The following ITGA3 variants were observed in gnomAD, a reference collection of about 807,000 sequenced individuals.
ITGA3 encodes the protein integrin alpha-3.
A neutral mutation model predicts 131.1 loss-of-function variants in ITGA3; 70 were observed. That is an observed-to-expected ratio of 0.53 (90% CI 0.44 to 0.65). The LOEUF is 0.65. Among genes scored for constraint, ITGA3 ranks in the 30% least tolerant of loss-of-function variants. The probability of loss-of-function intolerance (pLI) is 0.00; values close to 1 mark genes in which losing one functional copy is unlikely to be tolerated. For missense variants in ITGA3, 1,098 were observed against 1,388.6 expected (o/e 0.79, Z 3.33); for synonymous variants, 537 against 571.6 (o/e 0.94, Z 0.86).
At chr17:50,085,903 CAT>C (rs1294460639) in intron 23 of ITGA3, among the ~76,000 whole-genome samples, 9 of 109,538 alleles carry the variant, frequency 8.2e-5, no homozygotes, top group African/African-American at 3.2e-4. Flanking sequence ...AGATTATACA[CAT>C]ATAGATTTAT....
At chr17:50,088,540 T>C (rs1291438337) in intron 25 of ITGA3, among the ~76,000 whole-genome samples, 174 bp downstream of exon 25, 1 of 152,192 alleles carries the variant, frequency 6.6e-6, no homozygotes, top group African/African-American at 2.4e-5. Context: ...TGTCTGGCTT[T>C]CATCAGCCTC....
rs754546990 is a variant in ITGA3 at position 50,076,478 on chromosome 17, G to A, written c.1824+3G>A. 2 of 1,608,392 alleles carry A rather than the reference G, an allele frequency of 1.2e-6. No homozygotes were observed. Among genetic ancestry groups the A allele is most frequent in the South Asian group, 1.1e-5 (1 of 91,074 alleles). On this transcript the variant is annotated splice_donor_region_variant and intron_variant, in intron 13 of 25. Coordinates refer to ENST00000320031, the MANE Select transcript of ITGA3 (RefSeq NM_002204.4). ...AGGCTCTGGAGAACCACACTGAGGT[G>A]AGTGGGGCTGGCGCCTGGACTGGAA...
At chr17:50,072,584 GC>G (rs1908682456) in intron 7 of ITGA3, among the ~76,000 whole-genome samples, 1 of 152,108 alleles carries the variant, frequency 6.6e-6, no homozygotes, top group African/African-American at 2.4e-5. Context: ...TGAAAGCCAG[GC>G]AGAGTATCTT....
chr17:50,071,766 G>A, intron 6 of ITGA3: 1 of 617,464 alleles, frequency 1.6e-6, no homozygotes, highest in Non-Finnish European at 2.8e-6. Context: ...GGTTTGATTT[G>A]TGCCTGCATG....
At chr17:50,073,259 T>C (rs928099570) in intron 7 of ITGA3, among the ~76,000 whole-genome samples, 2 of 152,218 alleles carry the variant, frequency 1.3e-5, no homozygotes, top group Non-Finnish European at 2.9e-5. Context: ...CTTGACACTT[T>C]CAGTGAAGTT....
Position 50,087,653 on chromosome 17 carries a change from C to T in ITGA3, c.2920-91C>T, listed in dbSNP as rs1181729435. The stretch of plus-strand genomic sequence containing the variant: ...TGCCCCCTACTGGCAGCAGGACAAA[C>T]AGCAGGTGCCTGGGCCCAGCTAGGA... On this transcript the variant is annotated intron_variant, in intron 23 of 25. Coordinates refer to ENST00000320031, the MANE Select transcript of ITGA3 (RefSeq NM_002204.4). 5.6e-6 allele frequency: 8 copies of T among 1,433,520 alleles called. No homozygotes were observed. The African/African-American group carries it at 9.7e-5, about 17-fold the overall frequency. 88.8% of individuals were successfully genotyped at this position (1,433,520 alleles called of 1,614,324 possible). A position where few individuals can be genotyped will look rare whatever the true frequency, so the allele number is the denominator to read the frequency against.
At chr17:50,082,171 T>G (rs1269409348) in intron 23 of ITGA3, among the ~76,000 whole-genome samples, 1 of 151,564 alleles carries the variant, frequency 6.6e-6, no homozygotes, top group East Asian at 2.0e-4. Context: ...TCTTTATTCA[T>G]GTATTTATGT....
rs955434858 is a variant in ITGA3 at position 50,056,782 on chromosome 17, G to A, written c.206+137G>A. On this transcript the variant is annotated intron_variant, in intron 1 of 25. Transcript: ENST00000320031. This position sits in a 1 kb window ranked among gnomAD's most constrained non-coding sequence, Gnocchi z 5.6. ...AGGGGCGGCCCTCTGGCTGCTGGGG[G>A]TTGGCGGGAAGTGGAGGATTGGGTG... 1 of 874,222 alleles carries A rather than the reference G, an allele frequency of 1.1e-6. No homozygotes were observed. The highest frequency in any genetic ancestry group is 1.7e-6 in the Non-Finnish European group (1 of 581,332). The allele number at this position is 874,222 out of a possible 1,614,324, so 54.2% of individuals were successfully genotyped here. A position where few individuals can be genotyped will look rare whatever the true frequency, so the allele number is the denominator to read the frequency against.
intron 18 of ITGA3, 64 bp downstream of exon 18, chr17:50,078,348 C>A: frequency 1.4e-6 from 2 of 1,384,998 alleles, no homozygotes; most frequent in South Asian, 1.2e-5. Flanking sequence ...TTCCCTATCC[C>A]CAAGCTATCT....
chr17:50,070,796 C>G, intron 4 of ITGA3, 48 bp from the exon 5 acceptor site: 1 of 1,286,016 alleles, frequency 7.8e-7, no homozygotes, highest in Non-Finnish European at 1.1e-6. Context: ...AACCAGAAAC[C>G]GGTGGTGACT....
intron 25 of ITGA3, 133 bp from the exon 26 acceptor site, chr17:50,088,977 G>C: frequency 1.4e-6 from 1 of 707,924 alleles, no homozygotes; most frequent in Non-Finnish European, 2.5e-6. Flanking sequence ...TCAGTGCAGA[G>C]AGATGGGATG....
At chr17:50,084,865 T>C (rs1413319401) in intron 23 of ITGA3, among the ~76,000 whole-genome samples, 3 of 151,880 alleles carry the variant, frequency 2.0e-5, no homozygotes, top group Non-Finnish European at 2.9e-5. Flanking sequence ...CAGTGATTCA[T>C]GTTTGTGTTA....
At position 50,074,263 on chromosome 17, in the gene ITGA3, C is replaced by G; in HGVS notation, c.1365C>G (p.Asp455Glu). Reference protein sequence around the residue: ...YPDLLVGSLSDHIVLLRARPV... With the variant: ...YPDLLVGSLSEHIVLLRARPV... ...ACCTTCTAGTGGGAAGCCTGTCAGA[C>G]CACATTGTGCTGCTGCGGTGAGCCA... The change falls in exon 9 of 26, where the codon GAC becomes GAG. Residue 455 changes from aspartate (D) to glutamate (E), a missense_variant. Physicochemically the swap from Asp to Glu is conservative, Grantham distance 45. Around this residue, in one of 3 missense-constraint regions of ITGA3, gnomAD observed 699 missense variants for 829.2 expected, o/e 0.84. Coordinates refer to ENST00000320031, the MANE Select transcript of ITGA3 (RefSeq NM_002204.4). 2.5e-6 allele frequency: 4 copies of G among 1,614,152 alleles called. No individual in the cohort carries two copies. Among genetic ancestry groups the G allele is most frequent in the Non-Finnish European group, 3.4e-6 (4 of 1,179,962 alleles).
At position 50,077,417 on chromosome 17, in the gene ITGA3, G is replaced by A. The variant is rs757434598; in HGVS notation, c.2109G>A (p.Glu703=). 6 of 1,614,050 alleles carry A rather than the reference G, an allele frequency of 3.7e-6. No homozygotes were observed. Among genetic ancestry groups the A allele is most frequent in the South Asian group, 2.2e-5 (2 of 91,084 alleles). The part of the protein sequence containing the change: ...ACQANETIFC[E]LGNPFKRNQR... The stretch of plus-strand genomic sequence containing the variant: ...AAGCTAATGAGACCATCTTTTGCGA[G>A]CTGGGGAACCCCTTCAAACGGAACC... The change falls in exon 16 of 26, where the codon GAG becomes GAA. Residue 703 remains glutamate (E), a synonymous_variant. Coordinates refer to ENST00000320031, the MANE Select transcript of ITGA3 (RefSeq NM_002204.4).
chr17:50,088,013 G>T, intron 24 of ITGA3, 144 bp downstream of exon 24: 3 of 1,291,658 alleles, frequency 2.3e-6, no homozygotes, highest in South Asian at 3.0e-5. Flanking sequence ...TCTACCACCA[G>T]CTTACAGTCT....
At chr17:50,067,659 G>A (rs1394764818) in intron 3 of ITGA3, among the ~76,000 whole-genome samples, 1 of 152,206 alleles carries the variant, frequency 6.6e-6, no homozygotes, top group African/African-American at 2.4e-5. Flanking sequence ...TACCGTCATT[G>A]TAATTATTAT....
chr17:50,076,668 C>T lies in ITGA3; in HGVS notation c.1909C>T (p.Gln637Ter). ...MRAAFVSEQQ[Q>*]KLSRLQYSRD... Reference sequence around the variant, plus strand: ...GGCAGCCTTCGTGTCAGAGCAGCAGCAGAAGCTGAGCAGGTGGCTGTGGGC... The same window carrying T: ...GGCAGCCTTCGTGTCAGAGCAGCAGTAGAAGCTGAGCAGGTGGCTGTGGGC... The change falls in exon 14 of 26, where the codon CAG (glutamine) becomes TAG (stop). Residue 637 changes from glutamine to a stop codon, truncating the protein, a stop_gained. Transcript: ENST00000320031. LOFTEE classifies it high-confidence loss of function. The T allele has an allele frequency of 1.2e-6, 2 of 1,612,732 alleles. No homozygotes were observed. Among genetic ancestry groups the T allele is most frequent in the Non-Finnish European group, 1.7e-6 (2 of 1,179,638 alleles).
At chr17:50,071,287 T>A (rs768640879) in intron 5 of ITGA3, 24 bp from the exon 6 acceptor site, 1 of 1,607,598 alleles carries the variant, frequency 6.2e-7, no homozygotes, top group Non-Finnish European at 8.5e-7. Flanking sequence ...GGGACCTTGG[T>A]TGAACATCTT....
At chr17:50,063,802 G>A (rs919928939) in intron 1 of ITGA3, 21 of 455,846 alleles carry the variant, frequency 4.6e-5, no homozygotes, top group Non-Finnish European at 8.4e-5. Flanking sequence ...ATTGTCCTCA[G>A]ACTCAGATTA....
Sources: gnomAD v4.1 joint callset for allele counts (sites outside exome capture counted in the v4.1 genomes callset) on GRCh38, gnomAD v4.1.1 for gene constraint, gnomAD v4.1.1 regional missense constraint, Gnocchi (gnomAD v3.1) non-coding constraint, MANE v1.5 for transcripts, NCBI Gene and HGNC (gene_info 2026-07-23, HGNC 2026-07-21) for gene names.